SULF1: variants seen among roughly 807,000 people sequenced by gnomAD.
SULF1 encodes extracellular sulfatase Sulf-1.
Under a neutral mutation model 110.5 loss-of-function variants are expected in SULF1, and 46 were observed. That is an observed-to-expected ratio of 0.42 (90% CI 0.33 to 0.53). The LOEUF is 0.53. Among genes scored for constraint, SULF1 ranks in the 20% least tolerant of loss-of-function variants. The probability of loss-of-function intolerance (pLI) is 0.12; values close to 1 mark genes in which losing one functional copy is unlikely to be tolerated. For synonymous variants in SULF1, 371 were observed against 387.1 expected, an observed-to-expected ratio of 0.96 and a Z score of 0.49; for missense variants, 941 against 1,094.2, an observed-to-expected ratio of 0.86 and a Z score of 1.98.
chr8:69,486,504 A>T (rs892415580), intron 1 of SULF1, among the ~76,000 whole-genome samples: 4 of 152,128 alleles, frequency 2.6e-5, no homozygotes, highest in African/African-American at 9.7e-5. Context: ...TTCCAGACTA[A>T]TTAAATTTCC....
intron 22 of SULF1, among the ~76,000 whole-genome samples, chr8:69,655,562 G>A (rs1196207399): frequency 6.6e-6 from 1 of 151,788 alleles, no homozygotes; most frequent in African/African-American, 2.4e-5. Context: ...TCCCTGTTTT[G>A]TGTTTTTTCT....
intron 7 of SULF1, 81 bp from the exon 8 acceptor site, chr8:69,588,891 C>T (rs1489909286): frequency 1.2e-5 from 17 of 1,405,646 alleles, no homozygotes; most frequent in Non-Finnish European, 1.6e-5. Context: ...TGAATTGCTT[C>T]TGAGGAAAGC....
At chr8:69,593,960 T>C (rs1807096411) in intron 8 of SULF1, among the ~76,000 whole-genome samples, 1 of 152,156 alleles carries the variant, frequency 6.6e-6, no homozygotes, top group African/African-American at 2.4e-5. Flanking sequence ...GCCATTTACG[T>C]CCCTGGTGAT....
intron 3 of SULF1, among the ~76,000 whole-genome samples, chr8:69,544,420 C>T (rs1020349073): frequency 5.3e-5 from 8 of 152,004 alleles, no homozygotes; most frequent in Admixed American, 6.6e-5. Flanking sequence ...AGGCATGCGC[C>T]ACCACAGCTG....
At chr8:69,652,923 C>G (rs960136929) in intron 22 of SULF1, among the ~76,000 whole-genome samples, 3 of 152,104 alleles carry the variant, frequency 2.0e-5, no homozygotes, top group African/African-American at 7.2e-5. Flanking sequence ...ATTTGCAAAT[C>G]GTTCTTTGCT....
chr8:69,469,978 G>A (rs755752069), intron 1 of SULF1, among the ~76,000 whole-genome samples: 1 of 152,148 alleles, frequency 6.6e-6, no homozygotes, highest in Non-Finnish European at 1.5e-5. Context: ...AAAGGCGGAG[G>A]TTGCAGTGAG....
intron 22 of SULF1, 87 bp downstream of exon 22, chr8:69,640,928 G>T: frequency 7.5e-7 from 1 of 1,327,788 alleles, no homozygotes; most frequent in Non-Finnish European, 1.0e-6. Context: ...GTTTCTTACC[G>T]TGTTGCACAG....
At position 69,616,096 on chromosome 8, in the gene SULF1, T is replaced by TAC. The variant is rs556053070; in HGVS notation, c.1378-4933_1378-4932dup. 3.5e-3 allele frequency among the ~76,000 whole-genome samples: 462 copies of TAC among 132,736 alleles called. 3 individuals carry two copies. The highest frequency in any genetic ancestry group is 7.0e-3 in the Admixed American group (98 of 14,024). The allele number at this position is 132,736 out of a possible 152,430, so 87.1% of individuals were successfully genotyped here. On this transcript the variant is annotated intron_variant, in intron 13 of 22. Transcript: ENST00000402687. ...TGTGTATATATAATGTGTATATATATACACACATATATGTGTGTGTATATA... is the reference window on the plus strand; with the variant it reads ...TGTGTATATATAATGTGTATATATATACACACACATATATGTGTGTGTATATA...
At chr8:69,577,931 G>C (rs1805735891) in intron 6 of SULF1, among the ~76,000 whole-genome samples, 1 of 152,268 alleles carries the variant, frequency 6.6e-6, no homozygotes, top group East Asian at 1.9e-4. Flanking sequence ...GCCTTCCAGA[G>C]ATACAGACTT....
chr8:69,510,945 T>TACACACAC (rs56386460), intron 3 of SULF1, among the ~76,000 whole-genome samples: 2,285 of 141,186 alleles, frequency 0.016, 22 homozygotes, highest in East Asian at 0.034. Context: ...ATATCATCAT[T>TACACACAC]ACACACACAC....
At chr8:69,648,294 AT>A (rs1254616970) in intron 22 of SULF1, among the ~76,000 whole-genome samples, 7 of 152,206 alleles carry the variant, frequency 4.6e-5, no homozygotes, top group Non-Finnish European at 8.8e-5. Context: ...AGCTATATTA[AT>A]TAAAATATCC....
intron 13 of SULF1, among the ~76,000 whole-genome samples, chr8:69,608,601 C>T (rs191208185): frequency 1.2e-4 from 18 of 152,230 alleles, no homozygotes; most frequent in Admixed American, 9.8e-4. Flanking sequence ...CGGGGAATCA[C>T]TTGAACCCAG....
intron 3 of SULF1, among the ~76,000 whole-genome samples, chr8:69,517,986 A>T (rs1031371643): frequency 1.3e-5 from 2 of 152,216 alleles, no homozygotes; most frequent in Admixed American, 1.3e-4. Context: ...TATTTTTGTT[A>T]TAGAATTAAT....
chr8:69,512,433 A>G (rs541633681), intron 3 of SULF1, among the ~76,000 whole-genome samples: 16 of 152,318 alleles, frequency 1.1e-4, no homozygotes, highest in Non-Finnish European at 2.1e-4. Context: ...CCAGCCAAGG[A>G]CCATCGGTAT....
At chr8:69,654,167 A>G (rs190579402) in intron 22 of SULF1, among the ~76,000 whole-genome samples, 54 of 152,294 alleles carry the variant, frequency 3.5e-4, no homozygotes, top group Admixed American at 3.5e-3. Flanking sequence ...TTAATGTAAT[A>G]TTGGATTTCT....
Position 69,605,082 on chromosome 8 carries a change from G to C in SULF1, c.1377+150G>C, listed in dbSNP as rs147375316. ...CAAGCTCACTGAGACACCTCTCCGC[G>C]GACAGAATTACGTAACTGGTTCAGG... On this transcript the variant is annotated intron_variant, in intron 13 of 22. Coordinates refer to ENST00000402687, the MANE Select transcript of SULF1 (RefSeq NM_001128205.2). 112 of 1,105,572 alleles carry C rather than the reference G, an allele frequency of 1.0e-4. 1 individual carries two copies. The African/African-American group carries it at 1.6e-3, about 16-fold the overall frequency. The allele number at this position is 1,105,572 out of a possible 1,614,324, so 68.5% of individuals were successfully genotyped here.
chr8:69,639,273 G>A (rs1314149868), intron 21 of SULF1, among the ~76,000 whole-genome samples: 1 of 152,152 alleles, frequency 6.6e-6, no homozygotes, highest in Non-Finnish European at 1.5e-5. Flanking sequence ...TATTTCTGCT[G>A]TCCCAGTTTG....
At position 69,600,641 on chromosome 8, in the gene SULF1, A is replaced by G. The variant is rs766612342; in HGVS notation, c.773A>G (p.His258Arg). ...SYNYAPNMDKHWIMQYTGPML... is the reference protein window; with the variant it reads ...SYNYAPNMDKRWIMQYTGPML... ...AACTATGCACCAAATATGGATAAAC[A>G]CTGGATTATGCAGTACACAGGACCA... Residue 258 changes from histidine (H) to arginine (R), a missense_variant, in exon 9 of 23, where the codon CAC (histidine) becomes CGC (arginine). By Grantham distance (29) the His-to-Arg change is conservative (BLOSUM62 0). Transcript: ENST00000402687. 1 of 1,613,484 alleles carries G rather than the reference A, an allele frequency of 6.2e-7. No individual in the cohort carries two copies. Among genetic ancestry groups the G allele is most frequent in the South Asian group, 1.1e-5 (1 of 90,926 alleles).
At chr8:69,647,084 A>G (rs1287886037) in intron 22 of SULF1, among the ~76,000 whole-genome samples, 1 of 151,478 alleles carries the variant, frequency 6.6e-6, no homozygotes, top group Non-Finnish European at 1.5e-5. Flanking sequence ...AGCTGGGACT[A>G]CAGGCACAGA....
Sources: gnomAD v4.1 joint callset for allele counts (sites outside exome capture counted in the v4.1 genomes callset) on GRCh38, gnomAD v4.1.1 for gene constraint, MANE v1.5 for transcripts, NCBI Gene and HGNC (gene_info 2026-07-23, HGNC 2026-07-21) for gene names.